ADAM17: variants seen among roughly 807,000 people sequenced by gnomAD.
ADAM17 encodes disintegrin and metalloproteinase domain-containing protein 17.
A neutral mutation model predicts 96.7 loss-of-function variants in ADAM17; 39 were observed. The observed-to-expected ratio is 0.40, with a 90% confidence interval of 0.31 to 0.53. The LOEUF is 0.53. Among genes scored for constraint, ADAM17 ranks in the 20% least tolerant of loss-of-function variants. The pLI is 0.44. For synonymous variants in ADAM17, 344 were observed against 359.2 expected (o/e 0.96, Z 0.48); for missense variants, 777 against 1,013.2 (o/e 0.77, Z 3.17).
At chr2:9,524,508 G>A (rs1014466522) in intron 6 of ADAM17, among the ~76,000 whole-genome samples, 3 of 151,602 alleles carry the variant, frequency 2.0e-5, no homozygotes, top group Admixed American at 1.3e-4. Flanking sequence ...GAGGATTTTC[G>A]ACTGCAGAGG....
intron 9 of ADAM17, 21 bp from the exon 10 acceptor site, chr2:9,518,010 A>G: frequency 6.3e-7 from 1 of 1,582,970 alleles, no homozygotes; most frequent in Non-Finnish European, 8.6e-7. Context: ...AAGGAAACAG[A>G]GATAAATTGC....
chr2:9,518,366 C>A (rs761913311), intron 8 of ADAM17, 119 bp from the exon 9 acceptor site: 140 of 1,214,882 alleles, frequency 1.2e-4, no homozygotes, highest in Non-Finnish European at 1.4e-4. Context: ...TGATGGCATG[C>A]AGCTCAGCAC....
At chr2:9,512,039 T>C (rs536209591) in intron 10 of ADAM17, among the ~76,000 whole-genome samples, 2 of 151,820 alleles carry the variant, frequency 1.3e-5, no homozygotes, top group East Asian at 3.9e-4. Context: ...TGAGTTCTTT[T>C]TTCCTAAGGG....
At chr2:9,544,720 T>C (rs1003270583) in intron 1 of ADAM17, among the ~76,000 whole-genome samples, 5 of 151,522 alleles carry the variant, frequency 3.3e-5, no homozygotes, top group Admixed American at 3.3e-4. Flanking sequence ...CAGCTACTCA[T>C]GAGGCTGAGG....
chr2:9,518,587 G>A (rs1664175750), intron 8 of ADAM17, among the ~76,000 whole-genome samples: 1 of 152,078 alleles, frequency 6.6e-6, no homozygotes, highest in Admixed American at 6.6e-5. Flanking sequence ...ATTCGATAAG[G>A]GGATTGCAGC....
intron 2 of ADAM17, among the ~76,000 whole-genome samples, chr2:9,537,384 T>C (rs1313631972): frequency 1.3e-5 from 2 of 152,214 alleles, no homozygotes; most frequent in African/African-American, 4.8e-5. Context: ...CTGGGTGGAC[T>C]ATGAGAAAAT....
At chr2:9,518,301 T>C in intron 8 of ADAM17, 54 bp from the exon 9 acceptor site, 1 of 1,458,820 alleles carries the variant, frequency 6.9e-7, no homozygotes, top group Non-Finnish European at 9.0e-7. Context: ...GATTAACAAT[T>C]ACATCAGACT....
chr2:9,541,544 CAA>C (rs1665205836), intron 2 of ADAM17, among the ~76,000 whole-genome samples: 1 of 152,034 alleles, frequency 6.6e-6, no homozygotes. Flanking sequence ...GTCTGGGCGA[CAA>C]GAGCAAAAAC....
intron 10 of ADAM17, among the ~76,000 whole-genome samples, chr2:9,514,345 C>T (rs1421980254): frequency 8.8e-5 from 8 of 90,626 alleles, no homozygotes; most frequent in South Asian, 7.8e-4. Context: ...CATCACACAC[C>T]GGTGCCTGTC....
chr2:9,523,540 G>GA (rs1214191887), intron 6 of ADAM17, among the ~76,000 whole-genome samples: 1 of 152,130 alleles, frequency 6.6e-6, no homozygotes, highest in African/African-American at 2.4e-5. Context: ...GCTGTTACCA[G>GA]AATAAAACAA....
rs780293025 is a variant in ADAM17, at chr2:9,526,198, C to G, written c.666G>C (p.Lys222Asn). The G allele has an allele frequency of 6.2e-7, 1 of 1,613,784 alleles. No homozygotes were observed. Among genetic ancestry groups the G allele is most frequent in the Admixed American group, 1.7e-5 (1 of 60,010 alleles). Residue 222 changes from lysine to asparagine, a missense_variant, in exon 6 of 19, where the codon AAG (lysine) becomes AAC (asparagine). By Grantham distance (94) the Lys-to-Asn change is moderately conservative (BLOSUM62 0). Coordinates refer to ENST00000310823, the MANE Select transcript of ADAM17 (RefSeq NM_003183.6). The part of the protein sequence containing the change: ...VKRRADPDPM[K>N]NTCKLLVVAD... ...CTACCACCAATAATTTACACGTGTT[C>G]TTCATGGGATCTGGGTCAGCTCTTC...
intron 11 of ADAM17, among the ~76,000 whole-genome samples, chr2:9,508,477 TCAG>T: frequency 6.6e-6 from 1 of 152,248 alleles, no homozygotes; most frequent in African/African-American, 2.4e-5. Context: ...AGTATATAAC[TCAG>T]TGATTTCTAA....
chr2:9,533,137 C>T (rs1204043649), intron 4 of ADAM17, among the ~76,000 whole-genome samples: 2 of 151,268 alleles, frequency 1.3e-5, no homozygotes, highest in African/African-American at 2.4e-5. Flanking sequence ...TGTGGTGAGC[C>T]GAGATCGCGC....
intron 2 of ADAM17, 115 bp downstream of exon 2, chr2:9,543,038 T>A: frequency 7.7e-7 from 1 of 1,297,822 alleles, no homozygotes; most frequent in Non-Finnish European, 1.0e-6. Context: ...TGGAAATTAA[T>A]TACAAATCTT....
intron 10 of ADAM17, among the ~76,000 whole-genome samples, chr2:9,517,117 ACT>A (rs1365263477): frequency 6.6e-6 from 1 of 152,198 alleles, no homozygotes; most frequent in Non-Finnish European, 1.5e-5. Flanking sequence ...TTCTTGAGCC[ACT>A]GAGGGTACCT....
chr2:9,518,214 T>C lies in ADAM17; in HGVS notation c.991A>G (p.Lys331Glu). ...FSFDIAEEAS[K>E]VCLAHLFTYQ... ...GTGAAAAGGTGTGCCAAGCAAACTTTAGATGCTTCCTCAGCTATATCAAAG... is the reference window on the plus strand; with the variant it reads ...GTGAAAAGGTGTGCCAAGCAAACTTCAGATGCTTCCTCAGCTATATCAAAG... Residue 331 changes from lysine to glutamate, a missense_variant, in exon 9 of 19, where the codon AAA becomes GAA. Physicochemically the swap from Lys to Glu is moderately conservative, Grantham distance 56. Around this residue, in one of 3 missense-constraint regions of ADAM17, gnomAD observed 446 missense variants for 664.7 expected, o/e 0.67. Transcript: ENST00000310823. The C allele has an allele frequency of 6.4e-7, 1 of 1,564,310 alleles. No homozygotes were observed. The highest frequency in any genetic ancestry group is 1.2e-5 in the South Asian group (1 of 84,030).
intron 1 of ADAM17, among the ~76,000 whole-genome samples, chr2:9,544,515 A>G (rs1166256692): frequency 1.3e-5 from 2 of 150,678 alleles, no homozygotes; most frequent in Non-Finnish European, 2.9e-5. Flanking sequence ...ACAGAGCAAG[A>G]CTCCATCTCT....
intron 14 of ADAM17, among the ~76,000 whole-genome samples, chr2:9,496,870 A>G (rs1311109274): frequency 6.6e-6 from 1 of 152,200 alleles, no homozygotes; most frequent in Non-Finnish European, 1.5e-5. Flanking sequence ...CCCACCTCAA[A>G]GCCTGCCATA....
intron 5 of ADAM17, 103 bp from the exon 6 acceptor site, chr2:9,526,347 A>T (rs961064236): frequency 8.3e-7 from 1 of 1,206,246 alleles, no homozygotes; most frequent in Non-Finnish European, 1.1e-6. Flanking sequence ...ACATTATGTG[A>T]GCTTAATATC....
Sources: allele counts gnomAD v4.1 joint callset (sites outside exome capture counted in the v4.1 genomes callset), GRCh38; gene constraint gnomAD v4.1.1; regional missense constraint gnomAD v4.1.1; transcripts MANE v1.5; gene names NCBI Gene and HGNC (gene_info 2026-07-23, HGNC 2026-07-21).